Variants in KIAA1549 observed in about 807,000 individuals in gnomAD.
KIAA1549 encodes the protein KIAA1549.
Under a neutral mutation model 156.4 loss-of-function variants are expected in KIAA1549, and 70 were observed. That is an observed-to-expected ratio of 0.45 (90% CI 0.37 to 0.55). KIAA1549 has a LOEUF of 0.55. KIAA1549 is among the 20% of genes least tolerant of loss of function. The pLI is 0.00. For missense variants in KIAA1549, 2,428 were observed against 2,540.9 expected (o/e 0.96, Z 0.96); for synonymous variants, 1,103 against 1,066.4 (o/e 1.03, Z -0.67).
chr7:138,867,716 G>A (rs536975153), intron 15 of KIAA1549, among the ~76,000 whole-genome samples: 4 of 152,296 alleles, frequency 2.6e-5, no homozygotes, highest in Non-Finnish European at 5.9e-5. Flanking sequence ...CGTATAGAGA[G>A]GAAAAACACG....
intron 1 of KIAA1549, among the ~76,000 whole-genome samples, chr7:138,920,195 C>G (rs1288070516): frequency 6.8e-6 from 1 of 147,436 alleles, no homozygotes; most frequent in East Asian, 2.0e-4. Context: ...TGGATGGATC[C>G]TCTCACCCCC....
intron 1 of KIAA1549, among the ~76,000 whole-genome samples, chr7:138,953,367 CA>C (rs1174398213): frequency 6.6e-6 from 1 of 151,700 alleles, no homozygotes; most frequent in East Asian, 1.9e-4. Flanking sequence ...AAAACAAAAA[CA>C]AAAAAATGTA....
At chr7:138,848,143 T>A (rs779495587) in intron 17 of KIAA1549, among the ~76,000 whole-genome samples, 1 of 152,372 alleles carries the variant, frequency 6.6e-6, no homozygotes, top group African/African-American at 2.4e-5. Context: ...AATTACATCA[T>A]CTGTGAATAA....
intron 12 of KIAA1549, among the ~76,000 whole-genome samples, chr7:138,874,939 G>A (rs1811037486): frequency 6.6e-6 from 1 of 152,100 alleles, no homozygotes; most frequent in African/African-American, 2.4e-5. Flanking sequence ...AGGCTGCAGT[G>A]AGCCATGACT....
chr7:138,852,847 T>C (rs1810274679), intron 16 of KIAA1549, among the ~76,000 whole-genome samples: 1 of 152,240 alleles, frequency 6.6e-6, no homozygotes, highest in Admixed American at 6.5e-5. Flanking sequence ...TTCTGACCGT[T>C]TACTGGTCCC....
rs747394542 is a variant in KIAA1549, at chr7:138,838,095, G to C, written c.5664C>G (p.Gly1888=). 34 of 1,568,244 alleles carry C rather than the reference G, an allele frequency of 2.2e-5. No homozygotes were observed. Among genetic ancestry groups the C allele is most frequent in the Non-Finnish European group, 2.6e-5 (30 of 1,160,008 alleles). The change falls in exon 20 of 20, where the codon GGC becomes GGG. Residue 1888 remains glycine, a synonymous_variant. Transcript: ENST00000422774. ...TCCCGGAAGGAGCTGAGGGCTCCCT[G>C]CCTGAAGTCCTTGGCACCTGAAATA... is the stretch of plus-strand genomic sequence containing the variant. ...SPLFQVPRTS[G]REPSAPSGNL...
intron 1 of KIAA1549, among the ~76,000 whole-genome samples, chr7:138,932,673 C>T (rs763868142): frequency 2.6e-5 from 4 of 152,158 alleles, no homozygotes; most frequent in African/African-American, 4.8e-5. Context: ...ATGACAGCGG[C>T]TTAGAGTGGT....
At chr7:138,971,774 C>T (rs1486786944) in intron 1 of KIAA1549, among the ~76,000 whole-genome samples, 3 of 152,174 alleles carry the variant, frequency 2.0e-5, no homozygotes, top group Non-Finnish European at 4.4e-5. Flanking sequence ...CGGTCCCTTT[C>T]AGTACCAATA....
rs778022746 is a variant in KIAA1549, at chr7:138,919,188, C to T, written c.438G>A (p.Thr146=). The stretch of plus-strand genomic sequence containing the variant: ...CGTCATTGACGGCCACCTCTTTACT[C>T]GTCACTGACACGTAAGTTGCCACAA... ...SIFVATYVSV[T]SKEVAVNDDE... Residue 146 remains threonine, a synonymous_variant, in exon 2 of 20, where the codon ACG becomes ACA. Transcript: ENST00000422774. 77 of 1,613,872 alleles carry T rather than the reference C, an allele frequency of 4.8e-5. No homozygotes were observed. Among genetic ancestry groups the T allele is most frequent in the Non-Finnish European group, 6.1e-5 (72 of 1,179,900 alleles).
In KIAA1549 at chr7:138,912,338, C is replaced by T. The variant is rs759839208; in HGVS notation, c.2967+34G>A. The T allele has an allele frequency of 1.9e-5, 29 of 1,542,740 alleles. No individual in the cohort carries two copies. The South Asian group carries it at 3.0e-4, about 16-fold the overall frequency. The stretch of plus-strand genomic sequence containing the variant: ...GGCTCTCACATCAGCCCCAGTCTCA[C>T]CAGACATCACACTCCTGAGCCACCA... On this transcript the variant is annotated intron_variant, in intron 3 of 19. Transcript: ENST00000422774.
chr7:138,917,310 G>A lies in KIAA1549; in HGVS notation c.2316C>T (p.Pro772=), dbSNP rs61746877. ...HESAVTALVP[P]GSESFDILTA... ...TCAAAATGTCAAAAGACTCAGAGCC[G>A]GGGGGCACCAGTGCAGTGACTGCGG... The change falls in exon 2 of 20, where the codon CCC becomes CCT. Residue 772 remains proline (P), a synonymous_variant. Coordinates refer to ENST00000422774, the MANE Select transcript of KIAA1549 (RefSeq NM_001164665.2). The A allele has an allele frequency of 0.065, 105,262 of 1,613,316 alleles. 3,883 individuals carry two copies. The highest frequency in any genetic ancestry group is 0.13 in the South Asian group (11,606 of 91,018).
chr7:138,891,384 G>A (rs941621798), intron 10 of KIAA1549, among the ~76,000 whole-genome samples: 14 of 152,230 alleles, frequency 9.2e-5, no homozygotes, highest in African/African-American at 3.1e-4. Context: ...TGAGGCCAGT[G>A]GCATCCAGCC....
At position 138,835,745 on chromosome 7, in the gene KIAA1549, T is replaced by G. The variant is rs1322800607; in HGVS notation, c.*2161A>C. The G allele has an allele frequency of 9.1e-6, 2 of 219,508 alleles. No homozygotes were observed. The allele number at this position is 219,508 out of a possible 1,614,324, so 13.6% of individuals were successfully genotyped here. On this transcript the variant is annotated 3_prime_UTR_variant, in exon 20 of 20. Coordinates refer to ENST00000422774, the MANE Select transcript of KIAA1549 (RefSeq NM_001164665.2). The stretch of plus-strand genomic sequence containing the variant: ...GTTCAATTTGGGAGGAGTCGGGTAT[T>G]AAACCAAGACCAAGAGAAATTTGGT...
chr7:138,922,219 T>C lies in KIAA1549; in HGVS notation c.188-2781A>G, dbSNP rs531992437. Among the ~76,000 whole-genome samples, 3 of 152,382 alleles carry C rather than the reference T, an allele frequency of 2.0e-5. No homozygotes were observed. In the East Asian group the frequency reaches 5.8e-4, roughly 29 times the overall value. On this transcript the variant is annotated intron_variant, in intron 1 of 19. Transcript: ENST00000422774. ...GGAACCTATACTACTTGTATAGTCC[T>C]AACAACTGTATGCTTAGAGTCATAA...
At chr7:138,852,349 C>T in intron 16 of KIAA1549, 80 bp from the exon 17 acceptor site, 1 of 930,336 alleles carries the variant, frequency 1.1e-6, no homozygotes, top group Non-Finnish European at 1.6e-6. Context: ...ATAAATTCAG[C>T]TTTACAGGAT....
intron 1 of KIAA1549, among the ~76,000 whole-genome samples, chr7:138,941,363 T>C (rs1289826932): frequency 6.6e-6 from 1 of 152,164 alleles, no homozygotes; most frequent in Non-Finnish European, 1.5e-5. Context: ...TTATGACACT[T>C]AAGAAGGAGG....
intron 1 of KIAA1549, among the ~76,000 whole-genome samples, chr7:138,948,451 T>C (rs1464503292): frequency 6.6e-6 from 1 of 152,086 alleles, no homozygotes; most frequent in East Asian, 1.9e-4. Context: ...CCATCAGAGG[T>C]AGCATGGCCC....
intron 10 of KIAA1549, among the ~76,000 whole-genome samples, chr7:138,885,646 C>T (rs1811369443): frequency 6.6e-6 from 1 of 152,292 alleles, no homozygotes; most frequent in South Asian, 2.1e-4. Flanking sequence ...TTCTTGGGCT[C>T]GTGCTTTCTC....
chr7:138,869,113 C>A (rs1031643994), intron 14 of KIAA1549, among the ~76,000 whole-genome samples: 1 of 152,158 alleles, frequency 6.6e-6, no homozygotes. Context: ...TGGGTGCCAG[C>A]CTGGGTGGCT....
Sources: gnomAD v4.1 joint callset for allele counts (sites outside exome capture counted in the v4.1 genomes callset) on GRCh38, gnomAD v4.1.1 for gene constraint, MANE v1.5 for transcripts, NCBI Gene and HGNC (gene_info 2026-07-23, HGNC 2026-07-21) for gene names.